The following POLQ variants were observed in gnomAD, a reference collection of about 807,000 sequenced individuals.
POLQ encodes the protein DNA polymerase theta.
POLQ carries 233 observed loss-of-function variants against 259.2 expected under a neutral mutation model. The ratio of observed to expected loss-of-function variants is 0.90; its 90% CI spans 0.81 to 1.00. The LOEUF (loss-of-function observed/expected upper bound fraction) is 1.00. POLQ is among the 50% of genes least tolerant of loss of function. The probability of loss-of-function intolerance (pLI) is 0.00; values close to 1 mark genes in which losing one functional copy is unlikely to be tolerated. For synonymous variants in POLQ, 1,025 were observed against 1,048.8 expected, an observed-to-expected ratio of 0.98 and a Z score of 0.44; for missense variants, 2,871 against 3,051.6, an observed-to-expected ratio of 0.94 and a Z score of 1.39.
intron 5 of POLQ, among the ~76,000 whole-genome samples, chr3:121,535,773 A>G (rs1339819629): frequency 6.6e-6 from 1 of 152,062 alleles, no homozygotes; most frequent in Non-Finnish European, 1.5e-5. Context: ...CAAGTTCTCA[A>G]AAAGTTTATA....
rs2047501727 is a variant in POLQ, at chr3:121,432,392, A to G, written c.7685T>C (p.Met2562Thr). 11 of 1,608,572 alleles carry G rather than the reference A, an allele frequency of 6.8e-6. No individual in the cohort carries two copies. The highest frequency in any genetic ancestry group is 7.6e-6 in the Non-Finnish European group (9 of 1,177,764). The part of the protein sequence containing the change: ...VQVAQIVKNE[M>T]ESAVKLSVKL... ...CACAGACAGTTTTACAGCACTTTCC[A>G]TTTCATTCTTGACAATCTGAGCTAC... Residue 2562 changes from methionine (M) to threonine (T), a missense_variant, in exon 30 of 30, where the codon ATG (methionine) becomes ACG (threonine). This residue lies in a region of POLQ where 2,080 missense variants were observed against 2,126.0 expected (regional missense o/e 0.98). Transcript: ENST00000264233.
Position 121,460,031 on chromosome 3 carries a change from C to T in POLQ, c.7152+19G>A. 6.3e-7 allele frequency: 1 copy of T among 1,592,020 alleles called. No homozygotes were observed. The highest frequency in any genetic ancestry group is 1.1e-5 in the South Asian group (1 of 90,442). ...ACTAAATTCTTCTCCTTTATATTAA[C>T]CATGTTCACTAAAATCACCTGTTTT... On this transcript the variant is annotated intron_variant, in intron 25 of 29. Transcript: ENST00000264233.
intron 3 of POLQ, among the ~76,000 whole-genome samples, chr3:121,540,147 G>A (rs1203322953): frequency 6.6e-6 from 1 of 151,870 alleles, no homozygotes; most frequent in Non-Finnish European, 1.5e-5. Flanking sequence ...TCTAAGTTGA[G>A]TGATGTTACC....
rs2047886925 is a variant in POLQ at position 121,471,972 on chromosome 3, CT to C, written c.6718+17del. 12 of 1,348,206 alleles carry C rather than the reference CT, an allele frequency of 8.9e-6. No homozygotes were observed. Among genetic ancestry groups the C allele is most frequent in the Non-Finnish European group, 1.2e-5 (12 of 1,010,840 alleles). 83.5% of individuals were successfully genotyped at this position (1,348,206 alleles called of 1,614,324 possible). A position where few individuals can be genotyped will look rare whatever the true frequency, so the allele number is the denominator to read the frequency against. ...CCTTCAAAATTGGATATTGTTTATA[CT>C]TAAGATTTCTCATCACCTGTAGCAG... On this transcript the variant is annotated intron_variant, in intron 22 of 29. Transcript: ENST00000264233.
At chr3:121,451,835 T>A (rs972992419) in intron 25 of POLQ, among the ~76,000 whole-genome samples, 1 of 152,246 alleles carries the variant, frequency 6.6e-6, no homozygotes, top group Non-Finnish European at 1.5e-5. Context: ...GACATTTAAG[T>A]CTGCAGAGGT....
chr3:121,505,631 G>A lies in POLQ; in HGVS notation c.1959+3930C>T, dbSNP rs139778674. Among the ~76,000 whole-genome samples the A allele has an allele frequency of 2.4e-4, 37 of 152,164 alleles. No homozygotes were observed. The East Asian group carries it at 6.8e-3, about 28-fold the overall frequency. ...ATAAATGAATTTTTTAATAAATGAT[G>A]CTGAGATTACAGATAGCCATTATGA... On this transcript the variant is annotated intron_variant, in intron 12 of 29. Coordinates refer to ENST00000264233, the MANE Select transcript of POLQ (RefSeq NM_199420.4).
chr3:121,491,062 T>G (rs1176567403), intron 15 of POLQ, among the ~76,000 whole-genome samples: 1 of 150,994 alleles, frequency 6.6e-6, no homozygotes. Context: ...TTAAAAAAAT[T>G]TTTTAAAAGG....
intron 27 of POLQ, 119 bp from the exon 28 acceptor site, chr3:121,436,394 G>T: frequency 1.1e-6 from 1 of 875,092 alleles, no homozygotes; most frequent in Non-Finnish European, 1.8e-6. Flanking sequence ...GGACTGAGAT[G>T]CAACCCAGAA....
chr3:121,500,228 G>A (rs2048155842), intron 12 of POLQ, among the ~76,000 whole-genome samples: 1 of 147,542 alleles, frequency 6.8e-6, no homozygotes, highest in East Asian at 2.0e-4. Context: ...GCAGTGAGCC[G>A]TAATTGTGCC....
chr3:121,434,602 G>T (rs976583234), intron 28 of POLQ, among the ~76,000 whole-genome samples: 1 of 152,122 alleles, frequency 6.6e-6, no homozygotes, highest in African/African-American at 2.4e-5. Context: ...GGGGCCTCAG[G>T]TATTTCAAGG....
intron 7 of POLQ, 113 bp downstream of exon 7, chr3:121,529,532 G>T: frequency 1.0e-6 from 1 of 953,896 alleles, no homozygotes; most frequent in Non-Finnish European, 1.6e-6. Context: ...CCACCTAGTG[G>T]GCAGGCAGTG....
intron 12 of POLQ, among the ~76,000 whole-genome samples, chr3:121,501,444 G>A (rs979122379): frequency 6.7e-6 from 1 of 149,362 alleles, no homozygotes; most frequent in South Asian, 2.1e-4. Flanking sequence ...CGGATCACGA[G>A]GTCAGGAGAT....
chr3:121,450,154 T>C (rs1025221073), intron 25 of POLQ, among the ~76,000 whole-genome samples: 1 of 152,324 alleles, frequency 6.6e-6, no homozygotes, highest in South Asian at 2.1e-4. Context: ...CAGTAATATC[T>C]GCATCATGGG....
chr3:121,533,602 G>C (rs531377565), intron 5 of POLQ, among the ~76,000 whole-genome samples: 3 of 151,918 alleles, frequency 2.0e-5, no homozygotes, highest in Non-Finnish European at 4.4e-5. Flanking sequence ...TGCAACCTCC[G>C]CCTCCCAGGT....
At position 121,489,924 on chromosome 3, in the gene POLQ, C is replaced by T. The variant is rs762463090; in HGVS notation, c.3007G>A (p.Ala1003Thr). Residue 1003 changes from alanine to threonine, a missense_variant, in exon 16 of 30, where the codon GCC becomes ACC. Ala to Thr is a moderately conservative substitution (Grantham distance 58, BLOSUM62 0). This residue lies in a region of POLQ where 2,080 missense variants were observed against 2,126.0 expected (regional missense o/e 0.98). Coordinates refer to ENST00000264233, the MANE Select transcript of POLQ (RefSeq NM_199420.4). ...CTTGTTTTCCCCTCATTCTGAGAGG[C>T]TCCTGGCTTCTCTTTATTTATATCT... Reference protein sequence around the residue: ...SLDINKEKPGASQNEGKTSDK... With the variant: ...SLDINKEKPGTSQNEGKTSDK... 2 of 1,581,438 alleles carry T rather than the reference C, an allele frequency of 1.3e-6. No homozygotes were observed. Among genetic ancestry groups the T allele is most frequent in the African/African-American group, 2.7e-5 (2 of 72,728 alleles).
rs528441491 is a variant in POLQ, at chr3:121,528,935, G to A, written c.1108+710C>T. Among the ~76,000 whole-genome samples, 492 of 152,172 alleles carry A rather than the reference G, an allele frequency of 3.2e-3. 8 individuals carry two copies. The highest frequency in any genetic ancestry group is 0.011 in the African/African-American group (467 of 41,536). On this transcript the variant is annotated intron_variant, in intron 7 of 29. Transcript: ENST00000264233. ...CCATTGTATTCCAGCCTAAGCGACC[G>A]TGCGAGACTCTGTCTCAAAAAATAA...
At chr3:121,540,827 T>C (rs554416206) in intron 3 of POLQ, among the ~76,000 whole-genome samples, 318 of 152,340 alleles carry the variant, frequency 2.1e-3, no homozygotes, top group African/African-American at 7.3e-3. Flanking sequence ...ATTATTCTTT[T>C]GATTTGATGG....
intron 9 of POLQ, among the ~76,000 whole-genome samples, chr3:121,515,481 G>A (rs1560104542): frequency 2.0e-5 from 3 of 152,178 alleles, no homozygotes; most frequent in Non-Finnish European, 4.4e-5. Flanking sequence ...GCCAAGAGGC[G>A]ATTGCAGTTT....
At chr3:121,464,966 T>A (rs934139942) in intron 24 of POLQ, among the ~76,000 whole-genome samples, 3 of 152,226 alleles carry the variant, frequency 2.0e-5, no homozygotes, top group Admixed American at 6.5e-5. Flanking sequence ...TGGATGTTTC[T>A]GCTTCAAAGT....
Sources: allele counts gnomAD v4.1 joint callset (sites outside exome capture counted in the v4.1 genomes callset), GRCh38; gene constraint gnomAD v4.1.1; regional missense constraint gnomAD v4.1.1; transcripts MANE v1.5; gene names NCBI Gene and HGNC (gene_info 2026-07-23, HGNC 2026-07-21).